The following CNTN4 variants were observed in gnomAD, a reference collection of about 807,000 sequenced individuals.
CNTN4 encodes the protein contactin-4.
Under a neutral mutation model 122.5 loss-of-function variants are expected in CNTN4, and 77 were observed. The ratio of observed to expected loss-of-function variants is 0.63; its 90% CI spans 0.52 to 0.76. The LOEUF (loss-of-function observed/expected upper bound fraction) is 0.76, where lower values mean the gene tolerates loss of function less well. Among genes scored for constraint, CNTN4 ranks in the 30% least tolerant of loss-of-function variants. The pLI is 0.00. For synonymous variants in CNTN4, 512 were observed against 447.0 expected (o/e 1.15, Z -1.83); for missense variants, 1,256 against 1,259.1 (o/e 1.00, Z 0.04).
At position 2,728,648 on chromosome 3, in the gene CNTN4, A is replaced by C. The variant is rs370369330; in HGVS notation, c.56-7567A>C. On this transcript the variant is annotated intron_variant, in intron 4 of 24. Coordinates refer to ENST00000418658, the MANE Select transcript of CNTN4 (RefSeq NM_175607.3). ...GGCTCTGCAGGATATAGGCAAAGCC[A>C]CTCTGGTTTGCACCAGGTTACTTCT... 3.9e-5 allele frequency among the ~76,000 whole-genome samples: 6 copies of C among 152,204 alleles called. No homozygotes were observed. The East Asian group carries it at 5.8e-4, about 15-fold the overall frequency.
At chr3:2,467,454 C>T (rs2075543799) in intron 3 of CNTN4, among the ~76,000 whole-genome samples, 2 of 152,238 alleles carry the variant, frequency 1.3e-5, no homozygotes, top group Admixed American at 6.5e-5. Context: ...TGCATCTTAA[C>T]ATAATAGCAA....
chr3:2,944,556 A>G (rs1217248573), intron 13 of CNTN4, among the ~76,000 whole-genome samples: 1 of 152,196 alleles, frequency 6.6e-6, no homozygotes, highest in Non-Finnish European at 1.5e-5. Context: ...CTTGAATACT[A>G]GACTCTATTA....
At chr3:2,386,216 CT>C (rs1170013302) in intron 3 of CNTN4, among the ~76,000 whole-genome samples, 1 of 151,312 alleles carries the variant, frequency 6.6e-6, no homozygotes, top group African/African-American at 2.4e-5. Context: ...TGAATTCAAA[CT>C]CTGAATTCAA....
intron 3 of CNTN4, among the ~76,000 whole-genome samples, chr3:2,484,475 CTG>C (rs1198299730): frequency 1.3e-5 from 2 of 152,070 alleles, no homozygotes; most frequent in Non-Finnish European, 2.9e-5. Flanking sequence ...ACTCTTATAA[CTG>C]TGTATTCCAT....
chr3:2,461,176 C>T (rs970991689), intron 3 of CNTN4, among the ~76,000 whole-genome samples: 2 of 152,110 alleles, frequency 1.3e-5, no homozygotes, highest in Non-Finnish European at 2.9e-5. Flanking sequence ...ATGAATTGGT[C>T]ATTTCCCCTG....
chr3:2,863,871 T>G (rs2093695847), intron 7 of CNTN4, among the ~76,000 whole-genome samples: 1 of 152,188 alleles, frequency 6.6e-6, no homozygotes, highest in Non-Finnish European at 1.5e-5. Flanking sequence ...TGTAACCCTT[T>G]GAGTTTTAGG....
Position 2,573,484 on chromosome 3 carries a change from G to C in CNTN4, c.55+1926G>C, listed in dbSNP as rs187106928. ...CCTAAGGGATTCGACTGACACTTTA[G>C]AGTTTTAACTTCTCATAATGACTCT... On this transcript the variant is annotated intron_variant, in intron 4 of 24. Transcript: ENST00000418658. 3.9e-5 allele frequency among the ~76,000 whole-genome samples: 6 copies of C among 152,220 alleles called. No individual in the cohort carries two copies. The East Asian group carries it at 7.7e-4, about 20-fold the overall frequency.
chr3:2,252,323 A>G (rs2149687409), intron 2 of CNTN4, among the ~76,000 whole-genome samples: 2 of 152,044 alleles, frequency 1.3e-5, no homozygotes, highest in South Asian at 4.1e-4. Flanking sequence ...TTTTTAAATC[A>G]CCTTTATTAC....
intron 3 of CNTN4, among the ~76,000 whole-genome samples, chr3:2,483,100 A>G (rs939632496): frequency 1.3e-5 from 2 of 152,176 alleles, no homozygotes; most frequent in Non-Finnish European, 2.9e-5. Context: ...GAGGGGTGCT[A>G]TACCCTGCAA....
chr3:2,223,409 G>A (rs1025472898), intron 2 of CNTN4, among the ~76,000 whole-genome samples: 1 of 152,024 alleles, frequency 6.6e-6, no homozygotes, highest in African/African-American at 2.4e-5. Context: ...TTGTATATAA[G>A]CCCTTAACTC....
chr3:2,647,535 G>C (rs1379239562), intron 4 of CNTN4, among the ~76,000 whole-genome samples: 1 of 152,068 alleles, frequency 6.6e-6, no homozygotes, highest in Non-Finnish European at 1.5e-5. Flanking sequence ...CTGTGCATCA[G>C]ATTCATGTAA....
chr3:2,110,003 A>G (rs1399531864), intron 2 of CNTN4, among the ~76,000 whole-genome samples: 1 of 152,238 alleles, frequency 6.6e-6, no homozygotes, highest in Non-Finnish European at 1.5e-5. Flanking sequence ...GTAAATTAAG[A>G]GTTGCTTTTA....
chr3:2,141,239 C>A (rs1377927641), intron 2 of CNTN4, among the ~76,000 whole-genome samples: 1 of 152,042 alleles, frequency 6.6e-6, no homozygotes, highest in Non-Finnish European at 1.5e-5. Flanking sequence ...GGGACTCTGC[C>A]AATATGATGA....
At chr3:2,328,371 C>A (rs13079855) in intron 2 of CNTN4, among the ~76,000 whole-genome samples, 19,948 of 151,004 alleles carry the variant, frequency 0.13, 1,886 homozygotes, top group African/African-American at 0.24. Context: ...GCGCCACCGC[C>A]CTCCAGCCTG....
intron 4 of CNTN4, among the ~76,000 whole-genome samples, chr3:2,630,732 A>AT (rs771115413): frequency 6.4e-5 from 9 of 140,150 alleles, no homozygotes; most frequent in African/African-American, 2.3e-4. Flanking sequence ...GTGTGTGTGT[A>AT]CTATATGTTT....
rs964382862 is a variant in CNTN4, at chr3:2,385,840, A to G, written c.-89+46607A>G. ...AAATAAGGTCACATTCACACGTACC[A>G]GGGGTCAAGACTTCAACACATCTTT... On this transcript the variant is annotated intron_variant, in intron 3 of 24. Transcript: ENST00000418658. This position sits in a 1 kb window ranked among gnomAD's most constrained non-coding sequence, Gnocchi z 4.0. 2.0e-5 allele frequency among the ~76,000 whole-genome samples: 3 copies of G among 152,098 alleles called. No homozygotes were observed. The highest frequency in any genetic ancestry group is 4.4e-5 in the Non-Finnish European group (3 of 68,024).
intron 2 of CNTN4, among the ~76,000 whole-genome samples, chr3:2,125,190 C>T (rs2727910): frequency 0.55 from 84,126 of 151,816 alleles, 23,485 homozygotes; most frequent in East Asian, 0.68. Context: ...ATTTTAGATA[C>T]CTTATATAAG....
chr3:2,795,767 G>A (rs182804677), intron 6 of CNTN4, among the ~76,000 whole-genome samples: 8 of 152,032 alleles, frequency 5.3e-5, no homozygotes, highest in African/African-American at 1.7e-4. Flanking sequence ...TGATCCACCC[G>A]CCTCAGCCTC....
At chr3:2,798,375 A>ACCTATCTATCTATCTATCTT (rs1371565272) in intron 6 of CNTN4, among the ~76,000 whole-genome samples, 1 of 150,036 alleles carries the variant, frequency 6.7e-6, no homozygotes, top group African/African-American at 2.4e-5. Flanking sequence ...AAATCTATCT[A>ACCTATCTATCTATCTATCTT]TCTATCTATC....
Sources: gnomAD v4.1 joint callset for allele counts (sites outside exome capture counted in the v4.1 genomes callset) on GRCh38, gnomAD v4.1.1 for gene constraint, Gnocchi (gnomAD v3.1) non-coding constraint, MANE v1.5 for transcripts, NCBI Gene and HGNC (gene_info 2026-07-23, HGNC 2026-07-21) for gene names.